Variants in CHIC2 observed in about 807,000 individuals in gnomAD.
CHIC2 encodes the protein cysteine rich hydrophobic domain 2.
Under a neutral mutation model 25.9 loss-of-function variants are expected in CHIC2, and 14 were observed. That is an observed-to-expected ratio of 0.54 (90% CI 0.36 to 0.85). The LOEUF (loss-of-function observed/expected upper bound fraction) is 0.85. Ranked by LOEUF, CHIC2 falls within the 40% of genes least tolerant of loss-of-function variation. The probability of loss-of-function intolerance (pLI) is 0.01; values close to 1 mark genes in which losing one functional copy is unlikely to be tolerated. For missense variants in CHIC2, 146 were observed against 202.0 expected (o/e 0.72, Z 1.68); for synonymous variants, 70 against 72.0 (o/e 0.97, Z 0.14).
intron 1 of CHIC2, chr4:54,060,081 C>T (rs972016069): frequency 6.6e-6 from 1 of 152,204 alleles, no homozygotes; most frequent in Non-Finnish European, 1.5e-5. Context: ...CTGCTAACCA[C>T]AGCATCTAGC....
intron 3 of CHIC2, among the ~76,000 whole-genome samples, chr4:54,036,811 G>A (rs1416270311): frequency 2.3e-5 from 3 of 128,730 alleles, no homozygotes; most frequent in African/African-American, 6.7e-5. Context: ...GAAAGGAAAG[G>A]AAGCTAAACA....
intron 5 of CHIC2, among the ~76,000 whole-genome samples, chr4:54,012,120 A>AT (rs202085827): frequency 2.9e-4 from 44 of 151,228 alleles, no homozygotes; most frequent in Admixed American, 1.3e-3. Flanking sequence ...CCAGCTTATT[A>AT]TTATTTTTTT....
intron 4 of CHIC2, 26 bp from the exon 5 acceptor site, chr4:54,013,922 G>A (rs1577960923): frequency 6.2e-7 from 1 of 1,611,204 alleles, no homozygotes; most frequent in East Asian, 2.2e-5. Context: ...AGTAAAAGAA[G>A]AAAAATGAGC....
intron 3 of CHIC2, among the ~76,000 whole-genome samples, chr4:54,023,778 G>C (rs1715976379): frequency 6.6e-6 from 1 of 152,160 alleles, no homozygotes; most frequent in South Asian, 2.1e-4. Context: ...CCTCACTCTT[G>C]CAAAAGGACT....
intron 1 of CHIC2, among the ~76,000 whole-genome samples, chr4:54,061,629 A>G (rs1242711888): frequency 6.6e-6 from 1 of 152,214 alleles, no homozygotes; most frequent in Non-Finnish European, 1.5e-5. Flanking sequence ...TGTGCTCAAC[A>G]GTTATAGTAA....
intron 3 of CHIC2, among the ~76,000 whole-genome samples, chr4:54,021,636 G>T (rs2110064414): frequency 6.6e-6 from 1 of 152,182 alleles, no homozygotes; most frequent in South Asian, 2.1e-4. Flanking sequence ...CATAGTCAAG[G>T]TTAATGTTCC....
chr4:54,054,375 A>C (rs1468498782), intron 1 of CHIC2, among the ~76,000 whole-genome samples: 1 of 152,194 alleles, frequency 6.6e-6, no homozygotes, highest in Non-Finnish European at 1.5e-5. Context: ...ACATGTTTTG[A>C]ACTCATAACG....
upstream of CHIC2, chr4:54,064,678 C>A: frequency 4.9e-6 from 5 of 1,025,962 alleles, no homozygotes; most frequent in Non-Finnish European, 5.9e-6. The surrounding 1 kb of genome is among the most constrained non-coding windows in gnomAD (Gnocchi z 4.2). Flanking sequence ...GGCCAACGGG[C>A]GGGCGGGCGC....
chr4:54,043,132 C>G (rs1025439455), intron 3 of CHIC2, among the ~76,000 whole-genome samples: 8 of 152,068 alleles, frequency 5.3e-5, no homozygotes, highest in Non-Finnish European at 1.2e-4. Flanking sequence ...GCATAGAAAC[C>G]CTGTCTCGGC....
the CHIC2 span, among the ~76,000 whole-genome samples, chr4:54,072,119 T>C: frequency 0.74 from 112,224 of 151,822 alleles, 42,161 homozygotes; most frequent in East Asian, 0.98. Context: ...ATGGTGAAAC[T>C]CCATCTCCAC....
Position 54,064,510 on chromosome 4 carries a change from T to TAAC in CHIC2, c.-213_-211dup. 1 of 1,427,572 alleles carries TAAC rather than the reference T, an allele frequency of 7.0e-7. No individual in the cohort carries two copies. Among genetic ancestry groups the TAAC allele is most frequent in the Non-Finnish European group, 9.1e-7 (1 of 1,098,688 alleles). The allele number at this position is 1,427,572 out of a possible 1,614,324, so 88.4% of individuals were successfully genotyped here. ...CCGCCGCCGCCATTACCATCAGCAA[T>TAAC]AACAACAACACAATGTCAACATCCG... On this transcript the variant is annotated 5_prime_UTR_variant, in exon 1 of 6. Coordinates refer to ENST00000263921, the MANE Select transcript of CHIC2 (RefSeq NM_012110.4). This position sits in a 1 kb window ranked among gnomAD's most constrained non-coding sequence, Gnocchi z 4.2.
chr4:54,012,861 C>A (rs1715635230), intron 5 of CHIC2, among the ~76,000 whole-genome samples: 1 of 152,030 alleles, frequency 6.6e-6, no homozygotes. Context: ...TAGGATTTGA[C>A]TGTGGGATAA....
At chr4:54,012,140 G>A (rs1259254706) in intron 5 of CHIC2, among the ~76,000 whole-genome samples, 1 of 151,614 alleles carries the variant, frequency 6.6e-6, no homozygotes, top group African/African-American at 2.4e-5. Context: ...TTAAAGAGAG[G>A]TGGGTATTGC....
At chr4:54,068,604 A>G (rs1391814360), upstream of CHIC2, among the ~76,000 whole-genome samples, 1 of 152,206 alleles carries the variant, frequency 6.6e-6, no homozygotes, top group African/African-American at 2.4e-5. Flanking sequence ...TTGTGTGGAA[A>G]ATACACTCAA....
At chr4:54,047,256 C>A (rs1268409045) in intron 3 of CHIC2, among the ~76,000 whole-genome samples, 2 of 152,144 alleles carry the variant, frequency 1.3e-5, no homozygotes, top group Non-Finnish European at 2.9e-5. Context: ...CCTCAGGGAT[C>A]TAGAACTTGA....
intron 3 of CHIC2, among the ~76,000 whole-genome samples, chr4:54,022,668 T>C (rs1302245318): frequency 6.6e-6 from 1 of 151,906 alleles, no homozygotes; most frequent in Non-Finnish European, 1.5e-5. Flanking sequence ...CTTCACATCT[T>C]CCTCTTGTAT....
intron 5 of CHIC2, 34 bp downstream of exon 5, chr4:54,013,803 A>G: frequency 1.3e-6 from 2 of 1,588,752 alleles, no homozygotes; most frequent in Non-Finnish European, 1.7e-6. Context: ...TGATCATTTA[A>G]TAGAGAAACT....
At chr4:54,021,405 T>C (rs941751874) in intron 3 of CHIC2, among the ~76,000 whole-genome samples, 6 of 152,086 alleles carry the variant, frequency 3.9e-5, no homozygotes, top group Admixed American at 1.3e-4. Flanking sequence ...TCTGAGTCCT[T>C]TGAATCCTCC....
intron 3 of CHIC2, among the ~76,000 whole-genome samples, chr4:54,044,760 A>T (rs1716726004): frequency 6.6e-6 from 1 of 152,250 alleles, no homozygotes; most frequent in South Asian, 2.1e-4. Context: ...GAGCAAACAC[A>T]TTCAAAAGCT....
Sources: allele counts gnomAD v4.1 joint callset (sites outside exome capture counted in the v4.1 genomes callset), GRCh38; gene constraint gnomAD v4.1.1; non-coding constraint Gnocchi (gnomAD v3.1); transcripts MANE v1.5; gene names NCBI Gene and HGNC (gene_info 2026-07-23, HGNC 2026-07-21).